The following RMDN2 variants were observed in gnomAD, a reference collection of about 807,000 sequenced individuals.
RMDN2 encodes regulator of microtubule dynamics protein 2.
Under a neutral mutation model 52.8 loss-of-function variants are expected in RMDN2, and 61 were observed. That is an observed-to-expected ratio of 1.16 (90% CI 0.94 to 1.43). The LOEUF (loss-of-function observed/expected upper bound fraction) is 1.43. RMDN2 is among the 40% of genes most tolerant of loss of function. RMDN2 has a pLI of 0.00. For synonymous variants in RMDN2, 180 were observed against 153.1 expected, an observed-to-expected ratio of 1.18 and a Z score of -1.30; for missense variants, 592 against 475.3, an observed-to-expected ratio of 1.25 and a Z score of -2.28.
intron 2 of RMDN2, among the ~76,000 whole-genome samples, chr2:37,958,985 G>T (rs528864355): frequency 6.6e-6 from 1 of 151,010 alleles, no homozygotes; most frequent in African/African-American, 2.5e-5. Flanking sequence ...AACCAGCCTC[G>T]CATCCTTAGG....
chr2:37,960,218 ATCTG>A (rs1410136350), intron 2 of RMDN2, among the ~76,000 whole-genome samples: 3 of 152,094 alleles, frequency 2.0e-5, no homozygotes, highest in Admixed American at 6.5e-5. Flanking sequence ...TGTCTCGTTG[ATCTG>A]TCTAACATTG....
At chr2:37,956,298 A>AT (rs1217147635) in intron 2 of RMDN2, among the ~76,000 whole-genome samples, 1 of 152,054 alleles carries the variant, frequency 6.6e-6, no homozygotes. Context: ...GTTTCCAGGA[A>AT]TTTTTTCATT....
Position 38,004,062 on chromosome 2 carries a change from T to C in RMDN2, c.1098+18T>C, listed in dbSNP as rs755434654. 6.2e-7 allele frequency: 1 copy of C among 1,610,498 alleles called. No individual in the cohort carries two copies. Among genetic ancestry groups the C allele is most frequent in the Admixed American group, 1.7e-5 (1 of 60,016 alleles). ...TAGCAAAGGTAATGAAGACCACTGT[T>C]CTGCTTTAAGATCACTTTGAACCTA... On this transcript the variant is annotated intron_variant, in intron 9 of 10. Transcript: ENST00000354545.
chr2:38,062,010 C>T (rs926647554), intron 10 of RMDN2, among the ~76,000 whole-genome samples: 2 of 152,356 alleles, frequency 1.3e-5, no homozygotes, highest in African/African-American at 2.4e-5. Flanking sequence ...GTTGCCATCT[C>T]GTTTCCTTGT....
At chr2:37,927,577 T>A (rs780931997) in intron 1 of RMDN2, among the ~76,000 whole-genome samples, 1 of 152,192 alleles carries the variant, frequency 6.6e-6, no homozygotes, top group Non-Finnish European at 1.5e-5. Context: ...CTATATTTCT[T>A]AATGTAAAAG....
intron 2 of RMDN2, among the ~76,000 whole-genome samples, chr2:37,953,704 A>G (rs1432206111): frequency 1.3e-5 from 2 of 152,000 alleles, no homozygotes; most frequent in African/African-American, 4.8e-5. Context: ...TTTTGAGTAT[A>G]TATCCAGAAG....
At chr2:38,051,867 G>A (rs185786494) in intron 10 of RMDN2, among the ~76,000 whole-genome samples, 110 of 151,634 alleles carry the variant, frequency 7.3e-4, no homozygotes, top group Admixed American at 1.3e-3. Flanking sequence ...TTTTTTTTAT[G>A]GTTGAACAGT....
At chr2:38,044,407 G>A (rs567925722) in intron 10 of RMDN2, among the ~76,000 whole-genome samples, 183 of 152,004 alleles carry the variant, frequency 1.2e-3, no homozygotes, top group Non-Finnish European at 2.2e-3. Flanking sequence ...CTAGATCTGT[G>A]ATTCAGTATC....
chr2:38,055,682 C>G (rs1172943326), intron 10 of RMDN2, among the ~76,000 whole-genome samples: 2 of 152,130 alleles, frequency 1.3e-5, no homozygotes, highest in Non-Finnish European at 2.9e-5. Flanking sequence ...TAGCATTCGA[C>G]AGAGGAGGAT....
chr2:38,057,933 A>T (rs1681906289), intron 10 of RMDN2, among the ~76,000 whole-genome samples: 1 of 152,180 alleles, frequency 6.6e-6, no homozygotes, highest in Admixed American at 6.5e-5. Context: ...ACCGTGAACC[A>T]ATTAAACCTC....
At chr2:38,037,234 G>T (rs962639425) in intron 10 of RMDN2, among the ~76,000 whole-genome samples, 1 of 152,098 alleles carries the variant, frequency 6.6e-6, no homozygotes, top group Non-Finnish European at 1.5e-5. Context: ...CAAATAAATG[G>T]ACATAAAGCA....
chr2:37,932,868 A>ACC (rs535908169), intron 2 of RMDN2, among the ~76,000 whole-genome samples: 45 of 111,634 alleles, frequency 4.0e-4, no homozygotes, highest in African/African-American at 6.7e-4. Context: ...CGGGAGGCTG[A>ACC]CCCCCCCACC....
chr2:38,012,391 A>G (rs1340180553), intron 10 of RMDN2, among the ~76,000 whole-genome samples: 4 of 152,308 alleles, frequency 2.6e-5, no homozygotes, highest in African/African-American at 4.8e-5. Context: ...TGTACCCCTA[A>G]TCCTGTGTAA....
intron 10 of RMDN2, among the ~76,000 whole-genome samples, chr2:38,062,861 T>A (rs556862762): frequency 3.0e-4 from 43 of 141,670 alleles, no homozygotes; most frequent in African/African-American, 1.1e-3. Flanking sequence ...AGTGAGAACA[T>A]GCGGTGTTTG....
chr2:38,062,060 G>A (rs865931586), intron 10 of RMDN2, among the ~76,000 whole-genome samples: 1 of 152,194 alleles, frequency 6.6e-6, no homozygotes. Flanking sequence ...TGTCAGTTCA[G>A]CTTCACTTAA....
chr2:37,951,780 A>C, intron 2 of RMDN2: 1 of 1,613,418 alleles, frequency 6.2e-7, no homozygotes, highest in Non-Finnish European at 8.5e-7. Context: ...AAATTTTAAG[A>C]ATTTTGAAAC....
intron 10 of RMDN2, among the ~76,000 whole-genome samples, chr2:38,034,147 T>G (rs1489161935): frequency 6.6e-6 from 1 of 152,212 alleles, no homozygotes; most frequent in Non-Finnish European, 1.5e-5. Flanking sequence ...CAGTGGGTCT[T>G]TAGGAGGTCA....
chr2:37,989,481 G>A, intron 5 of RMDN2, 60 bp from the exon 6 acceptor site: 3 of 1,022,250 alleles, frequency 2.9e-6, no homozygotes, highest in Non-Finnish European at 4.6e-6. Flanking sequence ...ATGTTTTGGT[G>A]GCATTTTGTT....
chr2:37,951,101 G>A (rs1417429516), intron 2 of RMDN2: 4 of 860,034 alleles, frequency 4.7e-6, no homozygotes, highest in Non-Finnish European at 5.3e-6. Context: ...ATTCCCTGCT[G>A]TTTTCATATT....
Sources: allele counts gnomAD v4.1 joint callset (sites outside exome capture counted in the v4.1 genomes callset), GRCh38; gene constraint gnomAD v4.1.1; transcripts MANE v1.5; gene names NCBI Gene and HGNC (gene_info 2026-07-23, HGNC 2026-07-21).